CSMD2: variants seen among roughly 807,000 people sequenced by gnomAD.
The protein encoded by CSMD2 is CUB and Sushi multiple domains 2.
A neutral mutation model predicts 398.5 loss-of-function variants in CSMD2; 130 were observed. That is an observed-to-expected ratio of 0.33 (90% CI 0.28 to 0.38). The LOEUF (loss-of-function observed/expected upper bound fraction) is 0.38. CSMD2 is among the 10% of genes least tolerant of loss of function. The pLI is 1.00. For missense variants in CSMD2, 3,829 were observed against 4,764.9 expected (o/e 0.80, Z 5.78); for synonymous variants, 1,828 against 1,908.5 (o/e 0.96, Z 1.10).
chr1:33,964,626 G>A (rs1464904983), intron 3 of CSMD2, among the ~76,000 whole-genome samples: 1 of 152,158 alleles, frequency 6.6e-6, no homozygotes, highest in Non-Finnish European at 1.5e-5. Context: ...TTCTGAGGAT[G>A]GGGACCCCAA....
intron 10 of CSMD2, among the ~76,000 whole-genome samples, chr1:33,806,538 T>C (rs1213251951): frequency 6.6e-6 from 1 of 152,172 alleles, no homozygotes; most frequent in Non-Finnish European, 1.5e-5. Context: ...GAAGGAAACA[T>C]GGTTCTGAGT....
rs116036673 is a variant in CSMD2, at chr1:33,721,323, G to A, written c.3001+2874C>T. On this transcript the variant is annotated intron_variant, in intron 19 of 70. Transcript: ENST00000373381. ...AACTTCCTGAAGGCAGGCACTGGCAGAGTGGCTTGTTCAGCTGTTTTCCTA... is the reference window on the plus strand; with the variant it reads ...AACTTCCTGAAGGCAGGCACTGGCAAAGTGGCTTGTTCAGCTGTTTTCCTA... Among the ~76,000 whole-genome samples the A allele has an allele frequency of 2.7e-3, 406 of 152,342 alleles. 4 individuals are homozygous for A. Among genetic ancestry groups the A allele is most frequent in the African/African-American group, 9.4e-3 (392 of 41,574 alleles).
chr1:34,063,525 C>A (rs535033449), intron 2 of CSMD2, among the ~76,000 whole-genome samples: 13 of 152,330 alleles, frequency 8.5e-5, no homozygotes, highest in African/African-American at 2.9e-4. Flanking sequence ...GCTCCAAAAT[C>A]ATCTCCTTTG....
intron 12 of CSMD2, among the ~76,000 whole-genome samples, chr1:33,773,223 G>C (rs1406187009): frequency 2.0e-5 from 3 of 152,224 alleles, no homozygotes; most frequent in African/African-American, 7.2e-5. Flanking sequence ...GTCCATTTCT[G>C]AGCAGCAAAG....
At chr1:34,022,829 G>T (rs1649098699) in intron 3 of CSMD2, among the ~76,000 whole-genome samples, 1 of 152,122 alleles carries the variant, frequency 6.6e-6, no homozygotes, top group African/African-American at 2.4e-5. Flanking sequence ...CATTGTTGTT[G>T]TTGGTTTGGT....
chr1:34,078,286 C>T (rs951434687), intron 2 of CSMD2, among the ~76,000 whole-genome samples: 11 of 151,948 alleles, frequency 7.2e-5, no homozygotes, highest in African/African-American at 1.7e-4. Context: ...TGCCATGATA[C>T]GTACACATTA....
chr1:33,645,228 G>A (rs942439075), intron 29 of CSMD2, among the ~76,000 whole-genome samples: 2 of 151,906 alleles, frequency 1.3e-5, no homozygotes, highest in African/African-American at 4.8e-5. Context: ...CTGGTAATGC[G>A]ACCCCATTTG....
intron 2 of CSMD2, among the ~76,000 whole-genome samples, chr1:34,034,847 G>A (rs770950477): frequency 5.3e-5 from 8 of 152,174 alleles, no homozygotes; most frequent in African/African-American, 9.7e-5. Context: ...GAAAGGTTAC[G>A]AATATGTGAC....
At chr1:33,986,659 T>C (rs1168235051) in intron 3 of CSMD2, among the ~76,000 whole-genome samples, 2 of 152,188 alleles carry the variant, frequency 1.3e-5, no homozygotes, top group African/African-American at 4.8e-5. Context: ...TGCTAATAGC[T>C]TAAAGTCCTT....
At chr1:33,956,789 C>T (rs1475600094) in intron 3 of CSMD2, among the ~76,000 whole-genome samples, 1 of 152,174 alleles carries the variant, frequency 6.6e-6, no homozygotes, top group African/African-American at 2.4e-5. Context: ...CTTGCCCCCA[C>T]AGCCACTCTT....
chr1:33,632,682 A>G (rs1457133532), intron 32 of CSMD2, among the ~76,000 whole-genome samples: 1 of 152,176 alleles, frequency 6.6e-6, no homozygotes, highest in Admixed American at 6.5e-5. Flanking sequence ...GGGATATTTG[A>G]TAATCTGCAT....
chr1:33,633,543 G>A lies in CSMD2; in HGVS notation c.5087-8C>T. On this transcript the variant is annotated splice_polypyrimidine_tract_variant and splice_region_variant and intron_variant, in intron 31 of 70. Coordinates refer to ENST00000373381, the MANE Select transcript of CSMD2 (RefSeq NM_001281956.2). This position sits in a 1 kb window ranked among gnomAD's most constrained non-coding sequence, Gnocchi z 5.0. ...CGAACTGGCCAAACACCACTGTGGA[G>A]GAGACACAGTGTGGGGACTGGGCAG... 2 of 1,543,106 alleles carry A rather than the reference G, an allele frequency of 1.3e-6. No individual in the cohort carries two copies. The highest frequency in any genetic ancestry group is 1.8e-6 in the Non-Finnish European group (2 of 1,139,012).
intron 5 of CSMD2, among the ~76,000 whole-genome samples, chr1:33,887,426 T>A (rs777597728): frequency 3.3e-5 from 5 of 152,200 alleles, no homozygotes; most frequent in Non-Finnish European, 7.4e-5. Flanking sequence ...ATGTTATAAG[T>A]GCAGAATAAT....
chr1:33,551,712 C>T (rs1194756591), intron 55 of CSMD2, among the ~76,000 whole-genome samples: 2 of 152,216 alleles, frequency 1.3e-5, no homozygotes, highest in Non-Finnish European at 1.5e-5. Context: ...ACTAACAATT[C>T]CTCCCATCAA....
intron 6 of CSMD2, among the ~76,000 whole-genome samples, chr1:33,845,827 C>A (rs531652074): frequency 1.4e-3 from 212 of 152,336 alleles, no homozygotes; most frequent in Admixed American, 3.1e-3. Flanking sequence ...CAGTTTCCAG[C>A]CAGAAAGCCT....
At chr1:33,600,277 A>T (rs926250338) in intron 44 of CSMD2, 2 of 663,530 alleles carry the variant, frequency 3.0e-6, no homozygotes, top group Non-Finnish European at 5.5e-6. Flanking sequence ...TTCCATAGAT[A>T]GGCACAAGTC....
At chr1:34,154,371 G>T (rs1036268414) in intron 1 of CSMD2, among the ~76,000 whole-genome samples, 1 of 152,142 alleles carries the variant, frequency 6.6e-6, no homozygotes, top group Non-Finnish European at 1.5e-5. Context: ...CTAACCCAGG[G>T]ACCAAATCTT....
intron 26 of CSMD2, among the ~76,000 whole-genome samples, chr1:33,661,848 C>G (rs1438468686): frequency 6.6e-6 from 1 of 152,164 alleles, no homozygotes; most frequent in East Asian, 1.9e-4. Flanking sequence ...TTAGCTGATA[C>G]ACCAACTGGG....
intron 37 of CSMD2, among the ~76,000 whole-genome samples, chr1:33,620,278 G>T (rs1290518744): frequency 6.6e-6 from 1 of 152,114 alleles, no homozygotes; most frequent in Non-Finnish European, 1.5e-5. Context: ...AAAACCATTT[G>T]CCTGTACAAT....
Sources: gnomAD v4.1 joint callset for allele counts (sites outside exome capture counted in the v4.1 genomes callset) on GRCh38, gnomAD v4.1.1 for gene constraint, Gnocchi (gnomAD v3.1) non-coding constraint, MANE v1.5 for transcripts, NCBI Gene and HGNC (gene_info 2026-07-23, HGNC 2026-07-21) for gene names.